Variants in GPR89A observed in about 807,000 individuals in gnomAD.
GPR89A encodes the protein G protein-coupled receptor 89A.
GPR89A carries 16 observed loss-of-function variants against 52.0 expected under a neutral mutation model. That is an observed-to-expected ratio of 0.31 (90% CI 0.21 to 0.47). The LOEUF (loss-of-function observed/expected upper bound fraction) is 0.47. Among genes scored for constraint, GPR89A ranks in the 20% least tolerant of loss-of-function variants. The probability of loss-of-function intolerance (pLI) is 1.00; values close to 1 mark genes in which losing one functional copy is unlikely to be tolerated. For missense variants in GPR89A, 135 were observed against 449.4 expected, an observed-to-expected ratio of 0.30 and a Z score of 6.33; for synonymous variants, 55 against 150.9, an observed-to-expected ratio of 0.36 and a Z score of 4.66.
intron 7 of GPR89A, among the ~76,000 whole-genome samples, chr1:145,632,122 T>C (rs1303241766): frequency 6.0e-5 from 9 of 151,174 alleles, no homozygotes; most frequent in Admixed American, 2.6e-4. Context: ...TAGAATTTTT[T>C]TGTTTAATTT....
intron 10 of GPR89A, among the ~76,000 whole-genome samples, chr1:145,650,900 G>C (rs1430455179): frequency 6.6e-6 from 1 of 152,000 alleles, no homozygotes; most frequent in Non-Finnish European, 1.5e-5. Flanking sequence ...TTAGGCCTTT[G>C]TCAGATGGAT....
At chr1:145,663,590 G>A (rs587741231) in intron 11 of GPR89A, among the ~76,000 whole-genome samples, 166 bp downstream of exon 11, 12 of 152,098 alleles carry the variant, frequency 7.9e-5, no homozygotes, top group African/African-American at 2.2e-4. Flanking sequence ...ATATTTTGAT[G>A]TATTCACATG....
intron 1 of GPR89A, chr1:145,612,144 C>T (rs1313836538): frequency 1.3e-5 from 2 of 152,104 alleles, no homozygotes; most frequent in African/African-American, 2.4e-5. Context: ...AAAGTTTCTC[C>T]GAATCTTTGT....
Position 145,647,137 on chromosome 1 carries a change from T to C in GPR89A, c.817-38T>C, listed in dbSNP as rs1381749182. 6 of 1,539,452 alleles carry C rather than the reference T, an allele frequency of 3.9e-6. No individual in the cohort carries two copies. The African/African-American group carries it at 8.3e-5, about 21-fold the overall frequency. On this transcript the variant is annotated intron_variant, in intron 9 of 13. Transcript: ENST00000313835. ...ACTTGTGTTGAATATAAATTTATAT[T>C]TTGCTGAAAACTATGTTTTGTGTTT...
chr1:145,616,640 T>C (rs1648728156), intron 2 of GPR89A, among the ~76,000 whole-genome samples: 1 of 151,090 alleles, frequency 6.6e-6, no homozygotes, highest in African/African-American at 2.4e-5. Context: ...AAACCTTATA[T>C]TATAAGTTAA....
chr1:145,626,841 T>G, intron 5 of GPR89A, among the ~76,000 whole-genome samples: 1 of 150,070 alleles, frequency 6.7e-6, no homozygotes, highest in East Asian at 2.0e-4. Flanking sequence ...TCCCAGCTAC[T>G]CCCCGGAGGC....
chr1:145,665,236 A>T (rs1652475201), intron 11 of GPR89A, among the ~76,000 whole-genome samples: 1 of 152,054 alleles, frequency 6.6e-6, no homozygotes, highest in South Asian at 2.1e-4. Context: ...TAATACCAAC[A>T]CTTTGGGAGG....
chr1:145,633,041 C>G (rs1342211668), intron 7 of GPR89A, among the ~76,000 whole-genome samples: 5 of 146,666 alleles, frequency 3.4e-5, no homozygotes, highest in African/African-American at 1.0e-4. Context: ...ATGTGTATGC[C>G]TTCTTTTGAG....
chr1:145,666,895 G>A (rs587625607), intron 12 of GPR89A, among the ~76,000 whole-genome samples: 5,487 of 151,766 alleles, frequency 0.036, 315 homozygotes, highest in African/African-American at 0.12. Flanking sequence ...ATCCTTTTTT[G>A]TGGCTGGATA....
rs587759327 is a variant in GPR89A at position 145,608,359 on chromosome 1, A to G, written c.42+184A>G. 1.9e-5 allele frequency: 21 copies of G among 1,114,792 alleles called. No homozygotes were observed. In the South Asian group the frequency reaches 2.2e-4, roughly 12 times the overall value. 69.1% of individuals were successfully genotyped at this position (1,114,792 alleles called of 1,614,324 possible). On this transcript the variant is annotated intron_variant, in intron 1 of 13. Transcript: ENST00000313835. ...GCCGGTTCCCTCAGCCCCGGCTGTCAGGAGACTGGCCTGCGGCCGTCCGCG... is the reference window on the plus strand; with the variant it reads ...GCCGGTTCCCTCAGCCCCGGCTGTCGGGAGACTGGCCTGCGGCCGTCCGCG...
intron 5 of GPR89A, among the ~76,000 whole-genome samples, chr1:145,627,634 C>G (rs587702756): frequency 4.6e-5 from 7 of 152,240 alleles, no homozygotes; most frequent in South Asian, 4.1e-4. Context: ...GGTTTCTGCC[C>G]CCCTGAAATT....
At chr1:145,615,064 TG>T (rs1648573889) in intron 1 of GPR89A, among the ~76,000 whole-genome samples, 1 of 152,224 alleles carries the variant, frequency 6.6e-6, no homozygotes, top group Admixed American at 6.5e-5. Flanking sequence ...TGTGTCAGTG[TG>T]TATGTATAGA....
chr1:145,661,974 T>G (rs1652233842), intron 10 of GPR89A, among the ~76,000 whole-genome samples: 1 of 152,122 alleles, frequency 6.6e-6, no homozygotes, highest in Admixed American at 6.6e-5. Context: ...TAATTTAATT[T>G]CATGTGGTCT....
At chr1:145,608,223 A>C (rs1453496556) in intron 1 of GPR89A, 48 bp downstream of exon 1, 2 of 1,612,304 alleles carry the variant, frequency 1.2e-6, no homozygotes, top group Admixed American at 3.3e-5. Flanking sequence ...CCCTTTACCG[A>C]ATCGCCCTCT....
intron 5 of GPR89A, among the ~76,000 whole-genome samples, chr1:145,627,631 G>GC (rs1353952682): frequency 5.3e-5 from 8 of 152,132 alleles, no homozygotes; most frequent in Admixed American, 6.5e-5. Context: ...CTTGGTTTCT[G>GC]CCCCCCTGAA....
intron 10 of GPR89A, among the ~76,000 whole-genome samples, chr1:145,656,450 A>C (rs1448182084): frequency 6.6e-6 from 1 of 151,928 alleles, no homozygotes; most frequent in Admixed American, 6.5e-5. Context: ...CTGTTGCACT[A>C]CCCTGCTTTT....
intron 10 of GPR89A, among the ~76,000 whole-genome samples, chr1:145,650,317 A>G (rs1442307106): frequency 4.7e-5 from 7 of 150,474 alleles, no homozygotes; most frequent in African/African-American, 1.5e-4. Flanking sequence ...ACATGATCTC[A>G]TTCCTTTTTA....
intron 3 of GPR89A, among the ~76,000 whole-genome samples, chr1:145,619,141 T>G (rs1290779206): frequency 6.6e-6 from 1 of 152,142 alleles, no homozygotes; most frequent in East Asian, 1.9e-4. Flanking sequence ...CACTCTAAAG[T>G]TAGGATTCAG....
intron 1 of GPR89A, among the ~76,000 whole-genome samples, chr1:145,612,654 C>G (rs1328216870): frequency 2.0e-5 from 3 of 151,994 alleles, no homozygotes; most frequent in African/African-American, 7.3e-5. Context: ...ACTTAGAGAG[C>G]CTGTAGTATA....
Sources: gnomAD v4.1 joint callset for allele counts (sites outside exome capture counted in the v4.1 genomes callset) on GRCh38, gnomAD v4.1.1 for gene constraint, MANE v1.5 for transcripts, NCBI Gene and HGNC (gene_info 2026-07-23, HGNC 2026-07-21) for gene names.